Variants in PTCHD4 observed in about 807,000 individuals in gnomAD.
PTCHD4 encodes the protein patched domain-containing protein 4.
PTCHD4 carries 33 observed loss-of-function variants against 58.1 expected under a neutral mutation model. The observed-to-expected ratio is 0.57, with a 90% CI of 0.43 to 0.76. PTCHD4 has a LOEUF of 0.76. Ranked by LOEUF, PTCHD4 falls within the 30% of genes least tolerant of loss-of-function variation. The pLI, the probability that PTCHD4 is intolerant of heterozygous loss-of-function variation, is 0.00. For synonymous variants in PTCHD4, 478 were observed against 409.6 expected (o/e 1.17, Z -2.02); for missense variants, 1,058 against 1,027.1 (o/e 1.03, Z -0.41).
In PTCHD4 at chr6:47,867,445, C is replaced by T. The variant is rs1247862099; in HGVS notation, c.*10858G>A. Among the ~76,000 whole-genome samples, 2 of 151,806 alleles carry T rather than the reference C, an allele frequency of 1.3e-5. No individual in the cohort carries two copies. Among genetic ancestry groups the T allele is most frequent in the East Asian group, 1.9e-4 (1 of 5,146 alleles). The stretch of plus-strand genomic sequence containing the variant: ...GTATTTACATTTTGTAAACCATTCA[C>T]TGCATTTAAGCCCAAGGATACATCA... On this transcript the variant is annotated 3_prime_UTR_variant, in exon 5 of 5. Coordinates refer to ENST00000339488, the MANE Select transcript of PTCHD4 (RefSeq NM_001384253.1).
At position 47,860,299 on chromosome 6, in the gene PTCHD4, G is replaced by A. The variant is rs1366296029; in HGVS notation, c.*18004C>T. Among the ~76,000 whole-genome samples, 1 of 151,842 alleles carries A rather than the reference G, an allele frequency of 6.6e-6. No individual in the cohort carries two copies. The highest frequency in any genetic ancestry group is 1.5e-5 in the Non-Finnish European group (1 of 67,934). ...TATAGCACATGATGTTAAACTCAAG[G>A]TAATCAAGAAAGAAATGAAAGAAAT... On this transcript the variant is annotated 3_prime_UTR_variant, in exon 5 of 5. Transcript: ENST00000339488.
chr6:48,060,573 A>G (rs1764585483), intron 3 of PTCHD4, among the ~76,000 whole-genome samples: 1 of 152,176 alleles, frequency 6.6e-6, no homozygotes, highest in African/African-American at 2.4e-5. Flanking sequence ...TGCCAGGCTC[A>G]AGGCATCCTT....
At chr6:47,956,583 A>G (rs1766869865) in intron 4 of PTCHD4, among the ~76,000 whole-genome samples, 2 of 151,784 alleles carry the variant, frequency 1.3e-5, no homozygotes, top group South Asian at 4.2e-4. Context: ...ACAGGCGCCC[A>G]CCACCACGCC....
chr6:48,043,121 T>C (rs1002585096), intron 3 of PTCHD4, among the ~76,000 whole-genome samples: 1 of 151,864 alleles, frequency 6.6e-6, no homozygotes, highest in Non-Finnish European at 1.5e-5. Context: ...CACAGTGCAT[T>C]TGAAAAAGGC....
rs947210597 is a variant in PTCHD4, at chr6:47,892,588, C to A, written c.899-12652G>T. Among the ~76,000 whole-genome samples the A allele has an allele frequency of 3.9e-5, 6 of 152,224 alleles. No homozygotes were observed. In the East Asian group the frequency reaches 9.6e-4, roughly 24 times the overall value. ...AATGGATGCTGACTTAGGATTTTTA[C>A]AATAGCAAAAGCTGGAGAATGTTTT... is the stretch of plus-strand genomic sequence containing the variant. On this transcript the variant is annotated intron_variant, in intron 4 of 4. Transcript: ENST00000339488.
intron 3 of PTCHD4, among the ~76,000 whole-genome samples, chr6:48,018,453 C>A (rs1762942869): frequency 6.6e-6 from 1 of 152,152 alleles, no homozygotes. Flanking sequence ...GACCAGTGTT[C>A]ATTTCCATAG....
In PTCHD4 at chr6:47,878,686, A is replaced by G; in HGVS notation, c.2149T>C (p.Tyr717His). Reference protein sequence around the residue: ...MDCISILCLIYTLNFAIDHCA... With the variant: ...MDCISILCLIHTLNFAIDHCA... ...TGGTCAATGGCGAAATTCAAGGTGT[A>G]GATAAGGCACAAGATAGAAATGCAA... Residue 717 changes from tyrosine (Y) to histidine (H), a missense_variant, in exon 5 of 5, where the codon TAC (tyrosine) becomes CAC (histidine). Transcript: ENST00000339488. The G allele has an allele frequency of 6.2e-7, 1 of 1,613,628 alleles. No individual in the cohort carries two copies. Among genetic ancestry groups the G allele is most frequent in the Non-Finnish European group, 8.5e-7 (1 of 1,179,744 alleles).
chr6:47,962,519 C>G (rs1767135389), intron 4 of PTCHD4, among the ~76,000 whole-genome samples: 1 of 152,052 alleles, frequency 6.6e-6, no homozygotes, highest in Non-Finnish European at 1.5e-5. Context: ...CCATGCTGCT[C>G]TTGTGATAGT....
intron 1 of PTCHD4, among the ~76,000 whole-genome samples, chr6:48,076,924 C>T (rs373026551): frequency 1.3e-5 from 2 of 152,196 alleles, no homozygotes; most frequent in Admixed American, 6.5e-5. Flanking sequence ...GATTGCCCAA[C>T]GCTCAGCTAT....
In PTCHD4 at chr6:47,936,555, A is replaced by C. The variant is rs1051484607; in HGVS notation, c.899-56619T>G. 7.2e-5 allele frequency among the ~76,000 whole-genome samples: 11 copies of C among 152,218 alleles called. No homozygotes were observed. The South Asian group carries it at 8.3e-4, about 11-fold the overall frequency. ...TAGTAATGGCAAATCCAGAATTTCA[A>C]ACCAGGTCTTTTGGCTTCCAGTTCA... On this transcript the variant is annotated intron_variant, in intron 4 of 4. Transcript: ENST00000339488.
chr6:47,910,797 C>T (rs1765044753), intron 4 of PTCHD4, among the ~76,000 whole-genome samples: 1 of 152,098 alleles, frequency 6.6e-6, no homozygotes, highest in South Asian at 2.1e-4. Flanking sequence ...AAAGCAATAA[C>T]ACCCTCGCTG....
chr6:47,858,669 A>G lies in PTCHD4; in HGVS notation c.*19634T>C, dbSNP rs1236801902. On this transcript the variant is annotated 3_prime_UTR_variant, in exon 5 of 5. Transcript: ENST00000339488. ...GCAATAAGAAATCTGAACACAAGTAACAAGGCTACACTGCACTAGCCATCT... is the reference window on the plus strand; with the variant it reads ...GCAATAAGAAATCTGAACACAAGTAGCAAGGCTACACTGCACTAGCCATCT... 6.6e-6 allele frequency among the ~76,000 whole-genome samples: 1 copy of G among 152,028 alleles called. No homozygotes were observed. The highest frequency in any genetic ancestry group is 2.4e-5 in the African/African-American group (1 of 41,422).
intron 1 of PTCHD4, among the ~76,000 whole-genome samples, chr6:48,078,466 A>G (rs2113890917): frequency 6.6e-6 from 1 of 152,380 alleles, no homozygotes; most frequent in Non-Finnish European, 1.5e-5. Context: ...TTATTGGATC[A>G]ATGCACAAAG....
At chr6:47,931,489 G>T (rs55867822) in intron 4 of PTCHD4, among the ~76,000 whole-genome samples, 2,456 of 152,256 alleles carry the variant, frequency 0.016, 65 homozygotes, top group African/African-American at 0.053. Flanking sequence ...AGAATTAAAT[G>T]CATGAATAAA....
rs183531540 is a variant in PTCHD4, at chr6:48,040,687, T to A, written c.417+27543A>T. 7.2e-4 allele frequency among the ~76,000 whole-genome samples: 109 copies of A among 152,240 alleles called. 1 individual carries two copies. Among genetic ancestry groups the A allele is most frequent in the African/African-American group, 2.5e-3 (105 of 41,550 alleles). On this transcript the variant is annotated intron_variant, in intron 3 of 4. Coordinates refer to ENST00000339488, the MANE Select transcript of PTCHD4 (RefSeq NM_001384253.1). Reference sequence around the variant, plus strand: ...AACTATATGCCAGATGGTGCTTTCCTATGTTTTAATGCCTCAACAATTCTG... The same window carrying A: ...AACTATATGCCAGATGGTGCTTTCCAATGTTTTAATGCCTCAACAATTCTG...
intron 4 of PTCHD4, among the ~76,000 whole-genome samples, chr6:47,919,497 A>T (rs1241754258): frequency 6.6e-6 from 1 of 152,208 alleles, no homozygotes; most frequent in African/African-American, 2.4e-5. Context: ...GGAAATCAGA[A>T]TGATAAGAAG....
intron 4 of PTCHD4, among the ~76,000 whole-genome samples, chr6:47,957,424 T>C (rs1238581431): frequency 6.6e-6 from 1 of 150,778 alleles, no homozygotes; most frequent in Non-Finnish European, 1.5e-5. Context: ...AAGATGTACT[T>C]TCTATTTCTG....
At position 47,894,606 on chromosome 6, in the gene PTCHD4, C is replaced by G. The variant is rs1045364139; in HGVS notation, c.899-14670G>C. Among the ~76,000 whole-genome samples, 4 of 152,230 alleles carry G rather than the reference C, an allele frequency of 2.6e-5. No individual in the cohort carries two copies. In the South Asian group the frequency reaches 8.3e-4, roughly 32 times the overall value. On this transcript the variant is annotated intron_variant, in intron 4 of 4. Transcript: ENST00000339488. ...TAAACATTCAATAAATGTTAGCCATCATTTTTATTTATGGATGAACATTCA... is the reference window on the plus strand; with the variant it reads ...TAAACATTCAATAAATGTTAGCCATGATTTTTATTTATGGATGAACATTCA...
In PTCHD4 at chr6:47,910,869, C is replaced by T. The variant is rs181870032; in HGVS notation, c.899-30933G>A. Among the ~76,000 whole-genome samples the T allele has an allele frequency of 8.2e-4, 125 of 152,222 alleles. 1 individual carries two copies. Among genetic ancestry groups the T allele is most frequent in the Admixed American group, 7.2e-3 (110 of 15,290 alleles). On this transcript the variant is annotated intron_variant, in intron 4 of 4. Transcript: ENST00000339488. ...AGTTAAAATCTACCCCTTCTCCTCA[C>T]GTATAAATATTTATTCACAGTGCAG...
Sources: gnomAD v4.1 joint callset for allele counts (sites outside exome capture counted in the v4.1 genomes callset) on GRCh38, gnomAD v4.1.1 for gene constraint, MANE v1.5 for transcripts, NCBI Gene and HGNC (gene_info 2026-07-23, HGNC 2026-07-21) for gene names.